Variants in RNF17 observed in about 807,000 individuals in gnomAD.
RNF17 encodes the protein spermatogenesis associated 23.
A neutral mutation model predicts 200.5 loss-of-function variants in RNF17; 31 were observed. The ratio of observed to expected loss-of-function variants is 0.15; its 90% CI spans 0.12 to 0.21. The LOEUF (loss-of-function observed/expected upper bound fraction) is 0.21, where lower values mean the gene tolerates loss of function less well. Among genes scored for constraint, RNF17 ranks in the 10% least tolerant of loss-of-function variants. The pLI is 1.00. For synonymous variants in RNF17, 606 were observed against 637.8 expected (o/e 0.95, Z 0.75); for missense variants, 1,628 against 1,905.1 (o/e 0.85, Z 2.71).
rs574362613 is a variant in RNF17 at position 24,771,392 on chromosome 13, G to C, written c.226-3421G>C. Among the ~76,000 whole-genome samples, 3 of 121,330 alleles carry C rather than the reference G, an allele frequency of 2.5e-5. No individual in the cohort carries two copies. In the South Asian group the frequency reaches 8.1e-4, roughly 33 times the overall value. 79.6% of individuals were successfully genotyped at this position (121,330 alleles called of 152,430 possible). On this transcript the variant is annotated intron_variant, in intron 2 of 35. Coordinates refer to ENST00000255324, the MANE Select transcript of RNF17 (RefSeq NM_031277.3). Reference sequence around the variant, plus strand: ...TGCTATGTGGCTAGGCTAGGTCCTTGCTATGTTGCCCAGGCTGGTCACGCC... The same window carrying C: ...TGCTATGTGGCTAGGCTAGGTCCTTCCTATGTTGCCCAGGCTGGTCACGCC...
intron 6 of RNF17, among the ~76,000 whole-genome samples, chr13:24,786,229 A>T (rs891590045): frequency 2.6e-5 from 4 of 152,176 alleles, no homozygotes; most frequent in African/African-American, 7.2e-5. Context: ...TACATATAAC[A>T]TCCTGAAGTT....
chr13:24,836,913 C>CTT (rs1358521713), intron 18 of RNF17, among the ~76,000 whole-genome samples: 1 of 152,164 alleles, frequency 6.6e-6, no homozygotes, highest in Non-Finnish European at 1.5e-5. Context: ...TAAATGCTCA[C>CTT]TTAAAAGATA....
chr13:24,763,162 C>A (rs9553435), upstream of RNF17, among the ~76,000 whole-genome samples: 30,236 of 151,472 alleles, frequency 0.2, 3,332 homozygotes, highest in East Asian at 0.29. Flanking sequence ...TTCATTTCTT[C>A]ATTGCTTTTT....
At chr13:24,809,522 C>T (rs904233263) in intron 15 of RNF17, among the ~76,000 whole-genome samples, 6 of 151,986 alleles carry the variant, frequency 3.9e-5, no homozygotes, top group African/African-American at 1.2e-4. Context: ...CTATTTGATT[C>T]TTCTCTCTTT....
intron 32 of RNF17, 105 bp from the exon 33 acceptor site, chr13:24,874,009 C>T (rs1478863715): frequency 7.0e-6 from 8 of 1,136,258 alleles, no homozygotes; most frequent in Non-Finnish European, 1.0e-5. Context: ...AATAGTGCTG[C>T]AACAAACATG....
At chr13:24,757,502 T>G in the RNF17 span, among the ~76,000 whole-genome samples, 1 of 152,066 alleles carries the variant, frequency 6.6e-6, no homozygotes, top group South Asian at 2.1e-4. Context: ...TTTTGTATTT[T>G]TAATAGAGAC....
At chr13:24,852,772 A>G (rs769339451) in intron 24 of RNF17, among the ~76,000 whole-genome samples, 7 of 152,214 alleles carry the variant, frequency 4.6e-5, no homozygotes, top group Non-Finnish European at 1.0e-4. Context: ...TACTACTGAC[A>G]TTGTCTGCTA....
intron 8 of RNF17, 23 bp downstream of exon 8, chr13:24,789,447 G>A: frequency 1.4e-6 from 2 of 1,472,778 alleles, no homozygotes; most frequent in Non-Finnish European, 9.5e-7. Context: ...TAGTTCAGGA[G>A]ACCATAACAA....
At chr13:24,789,670 T>A in intron 8 of RNF17, 28 bp from the exon 9 acceptor site, 1 of 1,365,306 alleles carries the variant, frequency 7.3e-7, no homozygotes, top group Non-Finnish European at 1.0e-6. Flanking sequence ...ATTAGAACAT[T>A]TATGTATATG....
At chr13:24,795,898 AT>A (rs1884506421) in intron 10 of RNF17, among the ~76,000 whole-genome samples, 1 of 152,198 alleles carries the variant, frequency 6.6e-6, no homozygotes, top group African/African-American at 2.4e-5. Context: ...TATTTAGCGT[AT>A]TTTGCAAGTA....
chr13:24,872,504 C>T (rs545244283), intron 32 of RNF17, among the ~76,000 whole-genome samples: 53 of 150,924 alleles, frequency 3.5e-4, no homozygotes, highest in African/African-American at 1.3e-3. Flanking sequence ...ATTTTTCCAC[C>T]GTTTAACTCA....
At chr13:24,752,669 C>T in the RNF17 span, among the ~76,000 whole-genome samples, 1 of 152,248 alleles carries the variant, frequency 6.6e-6, no homozygotes, top group Admixed American at 6.5e-5. Flanking sequence ...GCTGCCTCAT[C>T]CTGCACTGTG....
intron 18 of RNF17, among the ~76,000 whole-genome samples, chr13:24,839,936 T>G (rs977917700): frequency 3.3e-5 from 5 of 151,676 alleles, no homozygotes; most frequent in African/African-American, 9.7e-5. Flanking sequence ...GTCAGCAGAG[T>G]AAACAGACAA....
Position 24,847,422 on chromosome 13 carries a change from C to T in RNF17, c.3101+2343C>T, listed in dbSNP as rs771006930. ...GTGCAGTGGCGTCATCTCAGCTCAC[C>T]GCAACCTTTGCCTCCCAGATTCAAG... is the stretch of plus-strand genomic sequence containing the variant. On this transcript the variant is annotated intron_variant, in intron 22 of 35. Transcript: ENST00000255324. 3.3e-5 allele frequency among the ~76,000 whole-genome samples: 5 copies of T among 151,374 alleles called. No individual in the cohort carries two copies. In the South Asian group the frequency reaches 6.3e-4, roughly 19 times the overall value.
intron 22 of RNF17, among the ~76,000 whole-genome samples, chr13:24,846,788 C>G (rs1891302739): frequency 6.6e-6 from 1 of 152,160 alleles, no homozygotes; most frequent in South Asian, 2.1e-4. Flanking sequence ...GGGCCGTGTG[C>G]AGGTTGGATA....
chr13:24,798,814 G>A (rs950832186), intron 11 of RNF17, among the ~76,000 whole-genome samples: 2 of 151,848 alleles, frequency 1.3e-5, no homozygotes, highest in Non-Finnish European at 2.9e-5. Flanking sequence ...TAATCCAACT[G>A]GTCCCTACAA....
chr13:24,784,621 C>A, intron 6 of RNF17, among the ~76,000 whole-genome samples: 1 of 152,058 alleles, frequency 6.6e-6, no homozygotes, highest in East Asian at 1.9e-4. Flanking sequence ...AATTTGTGTA[C>A]AGTTGTTCAT....
At chr13:24,799,640 G>C in intron 12 of RNF17, 56 bp downstream of exon 12, 12 of 1,104,950 alleles carry the variant, frequency 1.1e-5, no homozygotes, top group South Asian at 2.9e-5. Context: ...TTGGAGGGAG[G>C]TGGAGTTAAA....
chr13:24,831,538 A>G (rs1051949939), intron 17 of RNF17, among the ~76,000 whole-genome samples: 1 of 152,220 alleles, frequency 6.6e-6, no homozygotes, highest in Non-Finnish European at 1.5e-5. Context: ...CTGTGCTTTC[A>G]GCAGTTATAG....
Sources: gnomAD v4.1 joint callset for allele counts (sites outside exome capture counted in the v4.1 genomes callset) on GRCh38, gnomAD v4.1.1 for gene constraint, MANE v1.5 for transcripts, NCBI Gene and HGNC (gene_info 2026-07-23, HGNC 2026-07-21) for gene names.